The following PCDHGB2 variants were observed in gnomAD, a reference collection of about 807,000 sequenced individuals.
The protein encoded by PCDHGB2 is protocadherin gamma subfamily B, 2.
A neutral mutation model predicts 59.3 loss-of-function variants in PCDHGB2; 55 were observed. That is an observed-to-expected ratio of 0.93 (90% CI 0.75 to 1.16). The LOEUF (loss-of-function observed/expected upper bound fraction) is 1.16. Ranked by LOEUF, PCDHGB2 falls within the 50% of genes most tolerant of loss-of-function variation. The pLI is 0.00. For synonymous variants in PCDHGB2, 516 were observed against 512.0 expected, an observed-to-expected ratio of 1.01 and a Z score of -0.11; for missense variants, 1,228 against 1,198.5, an observed-to-expected ratio of 1.02 and a Z score of -0.36.
chr5:141,395,605 A>G (rs1344642467), intron 1 of PCDHGB2: 3 of 198,976 alleles, frequency 1.5e-5, no homozygotes, highest in Non-Finnish European at 3.0e-5. Context: ...CCAAACTAGA[A>G]CTTCAGAAAA....
In PCDHGB2 at chr5:141,486,341, C is replaced by T; in HGVS notation, c.2422-8466C>T. On this transcript the variant is annotated intron_variant, in intron 1 of 3. Coordinates refer to ENST00000522605, the MANE Select transcript of PCDHGB2 (RefSeq NM_018923.3). The surrounding 1 kb of genome is among the most constrained non-coding windows in gnomAD (Gnocchi z 5.0). ...AAACGGAGATGTGAGCCTCCGCATTCCTGACCACTTGCCATTTGCCCTCAA... is the reference window on the plus strand; with the variant it reads ...AAACGGAGATGTGAGCCTCCGCATTTCTGACCACTTGCCATTTGCCCTCAA... The T allele has an allele frequency of 6.2e-7, 1 of 1,614,128 alleles. No individual in the cohort carries two copies. Among genetic ancestry groups the T allele is most frequent in the Non-Finnish European group, 8.5e-7 (1 of 1,179,992 alleles).
chr5:141,477,532 C>A lies in PCDHGB2; in HGVS notation c.2422-17275C>A. 6.2e-7 allele frequency: 1 copy of A among 1,614,146 alleles called. No individual in the cohort carries two copies. The highest frequency in any genetic ancestry group is 8.5e-7 in the Non-Finnish European group (1 of 1,180,028). ...TTTACATTGAAGAAAACAACCTCCC[C>A]GGGGCTCCAATACTAAACCTAAGTG... On this transcript the variant is annotated intron_variant, in intron 1 of 3. Coordinates refer to ENST00000522605, the MANE Select transcript of PCDHGB2 (RefSeq NM_018923.3). The surrounding 1 kb of genome is among the most constrained non-coding windows in gnomAD (Gnocchi z 4.9).
chr5:141,467,715 G>C (rs904101145), intron 1 of PCDHGB2, among the ~76,000 whole-genome samples: 1 of 152,022 alleles, frequency 6.6e-6, no homozygotes, highest in Non-Finnish European at 1.5e-5. Flanking sequence ...AGGCTGGAGT[G>C]TAGTGGCACA....
intron 1 of PCDHGB2, chr5:141,418,503 T>G (rs2096264259): frequency 6.2e-7 from 1 of 1,613,828 alleles, no homozygotes. Flanking sequence ...CTGACCGCCT[T>G]AGATGGTGGG....
chr5:141,360,282 C>T lies in PCDHGB2; in HGVS notation c.147C>T (p.Asn49=), dbSNP rs777627634. 6.2e-7 allele frequency: 1 copy of T among 1,613,984 alleles called. No homozygotes were observed. Among genetic ancestry groups the T allele is most frequent in the Non-Finnish European group, 8.5e-7 (1 of 1,179,888 alleles). The change falls in exon 1 of 4, where the codon AAC becomes AAT. Residue 49 remains asparagine, a synonymous_variant. Coordinates refer to ENST00000522605, the MANE Select transcript of PCDHGB2 (RefSeq NM_018923.3). ...EELAKNSVVG[N]LAKDLGLSVR... ...TGGCCAAAAACTCGGTCGTAGGAAA[C>T]CTCGCCAAGGATCTGGGGCTCAGCG...
intron 1 of PCDHGB2, among the ~76,000 whole-genome samples, chr5:141,460,577 TGTG>T (rs2098992364): frequency 6.6e-6 from 1 of 152,094 alleles, no homozygotes; most frequent in African/African-American, 2.4e-5. Context: ...CATATGTAGG[TGTG>T]GGTTTTTTCT....
At chr5:141,374,701 C>G (rs781441820) in intron 1 of PCDHGB2, 1 of 1,608,844 alleles carries the variant, frequency 6.2e-7, no homozygotes, top group Non-Finnish European at 8.5e-7. Flanking sequence ...AAGGAGAAGC[C>G]GTTTACCGCC....
At position 141,431,493 on chromosome 5, in the gene PCDHGB2, C is replaced by G. The variant is rs1281626711; in HGVS notation, c.2422-63314C>G. On this transcript the variant is annotated intron_variant, in intron 1 of 3. Transcript: ENST00000522605. The surrounding 1 kb of genome is among the most constrained non-coding windows in gnomAD (Gnocchi z 4.8). ...GACAACGCACCAGCGTTTGCTCAGC[C>G]CGAGTACCGCGCGAGCGTTCCGGAG... 1 of 1,613,994 alleles carries G rather than the reference C, an allele frequency of 6.2e-7. No individual in the cohort carries two copies. The highest frequency in any genetic ancestry group is 8.5e-7 in the Non-Finnish European group (1 of 1,180,042).
intron 1 of PCDHGB2, chr5:141,385,199 A>C (rs1185520352): frequency 6.2e-7 from 1 of 1,614,064 alleles, no homozygotes; most frequent in African/African-American, 1.3e-5. Flanking sequence ...CGGAAGAGTC[A>C]CCTGATCTTC....
intron 1 of PCDHGB2, chr5:141,404,337 C>T (rs766940096): frequency 5.0e-6 from 8 of 1,613,902 alleles, no homozygotes; most frequent in Admixed American, 1.7e-5. Flanking sequence ...GTCTACCTCC[C>T]GGAAAACAAC....
At chr5:141,421,967 T>C (rs760789458) in intron 1 of PCDHGB2, 2 of 1,611,174 alleles carry the variant, frequency 1.2e-6, no homozygotes, top group Admixed American at 3.4e-5. Flanking sequence ...ACACAGTCCG[T>C]ATATCGCGTG....
chr5:141,486,146 G>T lies in PCDHGB2; in HGVS notation c.2422-8661G>T. Reference sequence around the variant, plus strand: ...TGAATTTGATGTGCGGGCTCGCGATGGGGGTTCTCCAGCCATGGAGCAACA... The same window carrying T: ...TGAATTTGATGTGCGGGCTCGCGATTGGGGTTCTCCAGCCATGGAGCAACA... On this transcript the variant is annotated intron_variant, in intron 1 of 3. Transcript: ENST00000522605. The surrounding 1 kb of genome is among the most constrained non-coding windows in gnomAD (Gnocchi z 5.0). 6.2e-7 allele frequency: 1 copy of T among 1,614,184 alleles called. No homozygotes were observed. The highest frequency in any genetic ancestry group is 8.5e-7 in the Non-Finnish European group (1 of 1,180,032).
intron 1 of PCDHGB2, chr5:141,383,711 A>G (rs201269369): frequency 5.5e-4 from 889 of 1,614,004 alleles, no homozygotes; most frequent in Non-Finnish European, 6.8e-4. Flanking sequence ...GACCTGGACG[A>G]GGGAGTCAAT....
chr5:141,454,567 C>G (rs572130062), intron 1 of PCDHGB2, among the ~76,000 whole-genome samples: 1 of 150,856 alleles, frequency 6.6e-6, no homozygotes, highest in Non-Finnish European at 1.5e-5. Flanking sequence ...CCACCACGCC[C>G]GGCTAATTTT....
intron 1 of PCDHGB2, chr5:141,379,063 C>G (rs1026715251): frequency 6.6e-6 from 1 of 152,184 alleles, no homozygotes; most frequent in African/African-American, 2.4e-5. Flanking sequence ...GGATTGGCCA[C>G]TTGTGCATCT....
At chr5:141,366,443 C>T in intron 1 of PCDHGB2, 1 of 1,614,206 alleles carries the variant, frequency 6.2e-7, no homozygotes, top group Non-Finnish European at 8.5e-7. Context: ...CTGCGTCTTC[C>T]TGGCCTTCGT....
intron 1 of PCDHGB2, chr5:141,414,350 C>G (rs1450829111): frequency 6.2e-7 from 1 of 1,613,726 alleles, no homozygotes; most frequent in East Asian, 2.2e-5. Context: ...TCCATTTTGG[C>G]GTATCTACCA....
At chr5:141,372,173 G>A (rs780828000) in intron 1 of PCDHGB2, 2 of 1,613,722 alleles carry the variant, frequency 1.2e-6, no homozygotes, top group Non-Finnish European at 1.7e-6. Context: ...AGGTGGTGGC[G>A]GTGGACGCAG....
At chr5:141,469,126 A>T (rs2099191838) in intron 1 of PCDHGB2, among the ~76,000 whole-genome samples, 1 of 151,470 alleles carries the variant, frequency 6.6e-6, no homozygotes, top group African/African-American at 2.4e-5. Context: ...AAATTTAAAA[A>T]TTAGCCAGAA....
Sources: allele counts gnomAD v4.1 joint callset (sites outside exome capture counted in the v4.1 genomes callset), GRCh38; gene constraint gnomAD v4.1.1; non-coding constraint Gnocchi (gnomAD v3.1); transcripts MANE v1.5; gene names NCBI Gene and HGNC (gene_info 2026-07-23, HGNC 2026-07-21).